Variants in NEGR1 observed in about 807,000 individuals in gnomAD.
The protein encoded by NEGR1 is IgLON family member 4.
In NEGR1, 10 loss-of-function variants were observed where a neutral mutation model predicts 40.9. The ratio of observed to expected loss-of-function variants is 0.24; its 90% CI spans 0.15 to 0.42. The LOEUF is 0.42. Ranked by LOEUF, NEGR1 falls within the 10% of genes least tolerant of loss-of-function variation. NEGR1 has a pLI of 1.00. For missense variants in NEGR1, 352 were observed against 438.9 expected (o/e 0.80, Z 1.77); for synonymous variants, 185 against 166.8 (o/e 1.11, Z -0.84).
chr1:72,052,071 G>T (rs749063120), intron 1 of NEGR1, among the ~76,000 whole-genome samples: 1 of 151,424 alleles, frequency 6.6e-6, no homozygotes, highest in Non-Finnish European at 1.5e-5. Flanking sequence ...ATTTCAGATA[G>T]AACCCTGTGA....
chr1:71,928,161 C>CATATAT (rs369067113), intron 2 of NEGR1, among the ~76,000 whole-genome samples: 1 of 906 alleles, frequency 1.1e-3, no homozygotes, highest in Non-Finnish European at 2.1e-3. Context: ...TATGTATATA[C>CATATAT]GTATATATGT....
intron 2 of NEGR1, among the ~76,000 whole-genome samples, chr1:71,859,940 C>A (rs1471843126): frequency 6.6e-6 from 1 of 152,028 alleles, no homozygotes; most frequent in Non-Finnish European, 1.5e-5. Context: ...AGAGTGAGAA[C>A]TTCTCTTGGA....
At position 72,110,651 on chromosome 1, in the gene NEGR1, G is replaced by A. The variant is rs189306489; in HGVS notation, c.176+171668C>T. On this transcript the variant is annotated intron_variant, in intron 1 of 6. Transcript: ENST00000357731. Reference sequence around the variant, plus strand: ...GTAATTAACCCTTAATTACTTCAAAGTAAGTAATTCCATTAATTTTGAAAT... The same window carrying A: ...GTAATTAACCCTTAATTACTTCAAAATAAGTAATTCCATTAATTTTGAAAT... Among the ~76,000 whole-genome samples the A allele has an allele frequency of 8.6e-5, 13 of 151,644 alleles. No homozygotes were observed. The East Asian group carries it at 2.5e-3, about 29-fold the overall frequency.
intron 2 of NEGR1, among the ~76,000 whole-genome samples, chr1:71,909,580 G>A (rs962055404): frequency 1.3e-5 from 2 of 152,116 alleles, no homozygotes; most frequent in Admixed American, 6.5e-5. Flanking sequence ...AACCAAAACT[G>A]ACATCTCACT....
chr1:71,852,272 A>G (rs977442929), intron 2 of NEGR1, among the ~76,000 whole-genome samples: 2 of 152,150 alleles, frequency 1.3e-5, no homozygotes, highest in African/African-American at 4.8e-5. Context: ...GTCTAACTCT[A>G]TAGACCAGAG....
At chr1:71,769,750 GTCTTTA>G (rs889257211) in intron 3 of NEGR1, among the ~76,000 whole-genome samples, 48 of 152,284 alleles carry the variant, frequency 3.2e-4, no homozygotes, top group African/African-American at 1.1e-3. Context: ...TCTTGGGTAT[GTCTTTA>G]TTAGCAGCGT....
chr1:72,140,996 T>C (rs1228275023), intron 1 of NEGR1, among the ~76,000 whole-genome samples: 9 of 152,080 alleles, frequency 5.9e-5, no homozygotes, highest in Admixed American at 5.9e-4. Context: ...ATGTAAAGAT[T>C]AGAGATGTAA....
intron 2 of NEGR1, among the ~76,000 whole-genome samples, chr1:71,867,027 T>G (rs2101829009): frequency 6.6e-6 from 1 of 152,282 alleles, no homozygotes; most frequent in African/African-American, 2.4e-5. Flanking sequence ...AATATTATTG[T>G]GCCTTTGAAA....
intron 1 of NEGR1, among the ~76,000 whole-genome samples, chr1:71,977,323 CT>C (rs1257726656): frequency 9.9e-5 from 10 of 100,938 alleles, no homozygotes; most frequent in Non-Finnish European, 1.5e-4. Context: ...AAGACTCCAT[CT>C]CAAAAAAAAC....
intron 6 of NEGR1, 34 bp downstream of exon 6, chr1:71,592,783 C>T: frequency 1.3e-6 from 2 of 1,580,918 alleles, no homozygotes; most frequent in Non-Finnish European, 1.7e-6. Context: ...CCCAGAGGCC[C>T]CTGGAAGCAT....
intron 6 of NEGR1, among the ~76,000 whole-genome samples, chr1:71,574,032 G>A (rs1648884912): frequency 6.6e-6 from 1 of 152,194 alleles, no homozygotes; most frequent in Non-Finnish European, 1.5e-5. Flanking sequence ...AAAGACCCAA[G>A]TAGAGGATAA....
intron 6 of NEGR1, among the ~76,000 whole-genome samples, chr1:71,561,879 C>G (rs754129703): frequency 6.8e-5 from 10 of 147,440 alleles, no homozygotes; most frequent in Non-Finnish European, 1.2e-4. Flanking sequence ...ATATAGCATT[C>G]ATGAATCACT....
chr1:71,776,855 A>C (rs892167964), intron 2 of NEGR1, among the ~76,000 whole-genome samples: 46 of 152,108 alleles, frequency 3.0e-4, no homozygotes, highest in Non-Finnish European at 7.4e-5. Context: ...TGTTCTAAGG[A>C]ACACAAATTC....
At chr1:71,461,492 T>C (rs548592665) in intron 6 of NEGR1, 12 of 152,306 alleles carry the variant, frequency 7.9e-5, no homozygotes, top group East Asian at 3.9e-4. Context: ...AGTTTCCAAT[T>C]TGAATAAGCA....
intron 1 of NEGR1, among the ~76,000 whole-genome samples, chr1:72,016,547 T>G (rs962662212): frequency 1.3e-5 from 2 of 152,198 alleles, no homozygotes. Flanking sequence ...TTTCTGGAAT[T>G]TCCCCTAAAC....
chr1:71,927,705 C>A (rs12039110), intron 2 of NEGR1, among the ~76,000 whole-genome samples: 2 of 149,846 alleles, frequency 1.3e-5, no homozygotes, highest in South Asian at 2.1e-4. Context: ...CCTGGCCAGG[C>A]GTAGGGGCTC....
At position 72,172,065 on chromosome 1, in the gene NEGR1, T is replaced by C. The variant is rs112578812; in HGVS notation, c.176+110254A>G. On this transcript the variant is annotated intron_variant, in intron 1 of 6. Transcript: ENST00000357731. The stretch of plus-strand genomic sequence containing the variant: ...AAGGAAAAAAGTAGTGGCTTGGAAC[T>C]AAACATTTTGATATTATGAATCAGC... Among the ~76,000 whole-genome samples, 1,008 of 152,276 alleles carry C rather than the reference T, an allele frequency of 6.6e-3. 16 individuals carry two copies. Among genetic ancestry groups the C allele is most frequent in the African/African-American group, 0.023 (960 of 41,566 alleles).
intron 2 of NEGR1, among the ~76,000 whole-genome samples, chr1:71,805,475 C>G (rs1162870907): frequency 1.3e-5 from 2 of 152,068 alleles, no homozygotes; most frequent in African/African-American, 4.8e-5. Context: ...TTTCTCAGAC[C>G]AGCCGACACT....
intron 1 of NEGR1, among the ~76,000 whole-genome samples, chr1:71,992,575 T>A (rs1478346215): frequency 6.6e-6 from 1 of 152,216 alleles, no homozygotes; most frequent in African/African-American, 2.4e-5. Flanking sequence ...GTAATCAATA[T>A]AAAGTTATTG....
Sources: gnomAD v4.1 joint callset for allele counts (sites outside exome capture counted in the v4.1 genomes callset) on GRCh38, gnomAD v4.1.1 for gene constraint, MANE v1.5 for transcripts, NCBI Gene and HGNC (gene_info 2026-07-23, HGNC 2026-07-21) for gene names.